Variants in SCOC observed in about 807,000 individuals in gnomAD.
SCOC encodes short coiled-coil protein.
A neutral mutation model predicts 9.9 loss-of-function variants in SCOC; 7 were observed. The ratio of observed to expected loss-of-function variants is 0.71; its 90% CI spans 0.40 to 1.33. The LOEUF is 1.33. Among genes scored for constraint, SCOC ranks in the 40% most tolerant of loss-of-function variants. SCOC has a pLI of 0.01. For missense variants in SCOC, 66 were observed against 89.7 expected, an observed-to-expected ratio of 0.74 and a Z score of 1.07; for synonymous variants, 19 against 28.2, an observed-to-expected ratio of 0.67 and a Z score of 1.03.
chr4:140,352,161 A>G (rs890771972), intron 2 of SCOC, among the ~76,000 whole-genome samples: 2 of 152,206 alleles, frequency 1.3e-5, no homozygotes, highest in Non-Finnish European at 2.9e-5. Context: ...ACACCCTCCA[A>G]TGAATTTGGC....
intron 1 of SCOC, among the ~76,000 whole-genome samples, chr4:140,332,359 C>CTTTTTTTTT (rs70943486): frequency 5.2e-5 from 4 of 76,828 alleles, no homozygotes; most frequent in South Asian, 9.3e-4. Context: ...CTGGAGTCAT[C>CTTTTTTTTT]TTTTTTTTTT....
upstream of SCOC, among the ~76,000 whole-genome samples, chr4:140,339,394 G>A (rs1473432311): frequency 6.6e-6 from 1 of 152,018 alleles, no homozygotes; most frequent in Non-Finnish European, 1.5e-5. Context: ...GCATGGGCAA[G>A]GACTTCATGA....
At chr4:140,358,036 A>G (rs1474271577) in intron 2 of SCOC, among the ~76,000 whole-genome samples, 2 of 151,542 alleles carry the variant, frequency 1.3e-5, no homozygotes, top group African/African-American at 4.9e-5. Flanking sequence ...ACGCCTATGC[A>G]CTCCTAATCC....
chr4:140,308,416 A>G (rs1732052075), intron 1 of SCOC, among the ~76,000 whole-genome samples: 1 of 152,184 alleles, frequency 6.6e-6, no homozygotes, highest in Admixed American at 6.5e-5. Flanking sequence ...CTGTATGCAC[A>G]CTGGAGAAAG....
intron 2 of SCOC, among the ~76,000 whole-genome samples, chr4:140,347,223 T>A (rs540665170): frequency 1.3e-5 from 2 of 152,332 alleles, no homozygotes; most frequent in South Asian, 4.1e-4. Flanking sequence ...TGTTTGGATC[T>A]AAACACTTAA....
intron 1 of SCOC, among the ~76,000 whole-genome samples, chr4:140,289,585 A>G (rs143669311): frequency 2.7e-4 from 41 of 152,282 alleles, no homozygotes; most frequent in African/African-American, 9.9e-4. Flanking sequence ...TGAGATTGGT[A>G]CCCATACCTG....
intron 1 of SCOC, among the ~76,000 whole-genome samples, chr4:140,264,711 G>C (rs72937760): frequency 3.3e-4 from 50 of 152,136 alleles, no homozygotes; most frequent in Non-Finnish European, 6.3e-4. Flanking sequence ...TACACATCCC[G>C]ATAGGTGAAA....
chr4:140,317,849 T>TC (rs1306153762), intron 1 of SCOC, among the ~76,000 whole-genome samples: 3 of 54,094 alleles, frequency 5.5e-5, no homozygotes, highest in African/African-American at 2.2e-4. Context: ...CCCTCCCCCC[T>TC]CCCCCCTCCC....
intron 1 of SCOC, among the ~76,000 whole-genome samples, chr4:140,270,474 C>T (rs1253279450): frequency 2.0e-5 from 3 of 152,122 alleles, no homozygotes; most frequent in Non-Finnish European, 4.4e-5. Context: ...GCTGGGACTG[C>T]AGGCACGTGC....
At chr4:140,264,145 A>T (rs1214442371) in intron 1 of SCOC, among the ~76,000 whole-genome samples, 1 of 152,066 alleles carries the variant, frequency 6.6e-6, no homozygotes, top group East Asian at 1.9e-4. Context: ...GGCTATAGGC[A>T]TGCACCACCA....
chr4:140,384,375 A>C lies in SCOC; in HGVS notation c.*3271A>C, dbSNP rs986707509. ...GGACTGTGTCCAGCTTCTGGAAAAG[A>C]CTCGACCAAATTTTAGACAGGCACC... On this transcript the variant is annotated 3_prime_UTR_variant, in exon 4 of 4. Coordinates refer to ENST00000608372, the MANE Select transcript of SCOC (RefSeq NM_001153484.2). 1 of 152,106 alleles carries C rather than the reference A, an allele frequency of 6.6e-6. No homozygotes were observed. Among genetic ancestry groups the C allele is most frequent in the African/African-American group, 2.4e-5 (1 of 41,410 alleles). 9.4% of individuals were successfully genotyped at this position (152,106 alleles called of 1,614,324 possible).
intron 2 of SCOC, among the ~76,000 whole-genome samples, chr4:140,347,956 G>C (rs921759971): frequency 7.2e-5 from 11 of 152,090 alleles, no homozygotes; most frequent in Admixed American, 2.6e-4. Context: ...TTCCTTAGGA[G>C]ACACAGTCCT....
chr4:140,301,950 GC>G (rs1356669291), intron 1 of SCOC, among the ~76,000 whole-genome samples: 1 of 152,002 alleles, frequency 6.6e-6, no homozygotes, highest in Non-Finnish European at 1.5e-5. Context: ...TCCCATCTTA[GC>G]CTCCCAAAAG....
intron 2 of SCOC, among the ~76,000 whole-genome samples, chr4:140,358,522 T>C (rs1485051329): frequency 6.6e-6 from 1 of 152,230 alleles, no homozygotes; most frequent in Non-Finnish European, 1.5e-5. Context: ...ATAAGGCTAC[T>C]GTATGGCTGA....
At chr4:140,283,617 G>A (rs997813776) in intron 1 of SCOC, 7 of 152,114 alleles carry the variant, frequency 4.6e-5, no homozygotes, top group Non-Finnish European at 7.4e-5. Flanking sequence ...AACAGGTCAG[G>A]ATCTAAAACT....
chr4:140,362,299 C>CTTCTTCTTCTTTTTTTTTT (rs367795160), intron 2 of SCOC, among the ~76,000 whole-genome samples: 5 of 38,348 alleles, frequency 1.3e-4, no homozygotes, highest in African/African-American at 3.7e-4. Flanking sequence ...TCTTCTTCTT[C>CTTCTTCTTCTTTTTTTTTT]TTTTTTTTTT....
Position 140,283,998 on chromosome 4 carries a change from G to A in SCOC, c.-19+26588G>A, listed in dbSNP as rs1731161697. 3 of 152,152 alleles carry A rather than the reference G, an allele frequency of 2.0e-5. 1 individual carries two copies. The South Asian group carries it at 6.2e-4, about 31-fold the overall frequency. 9.4% of individuals were successfully genotyped at this position (152,152 alleles called of 1,614,324 possible). ...CTCGGTGCATCTGTACTTGAAGTGA[G>A]ATTAACATAAGCGTGATCTGCAGGA... On this transcript the variant is annotated intron_variant, in intron 1 of 4. Coordinates refer to the SCOC transcript ENST00000394205.
At chr4:140,272,775 A>G (rs949609072) in intron 1 of SCOC, among the ~76,000 whole-genome samples, 2 of 152,124 alleles carry the variant, frequency 1.3e-5, no homozygotes, top group South Asian at 2.1e-4. Context: ...ATTAAGTGCA[A>G]ATTTGGCTTT....
chr4:140,326,465 AC>A (rs1294868732), intron 1 of SCOC, among the ~76,000 whole-genome samples: 4 of 152,224 alleles, frequency 2.6e-5, no homozygotes, highest in Admixed American at 6.5e-5. Context: ...AAACAAAAAA[AC>A]AAAACAGCAA....
Sources: gnomAD v4.1 joint callset for allele counts (sites outside exome capture counted in the v4.1 genomes callset) on GRCh38, gnomAD v4.1.1 for gene constraint, MANE v1.5 for transcripts, NCBI Gene and HGNC (gene_info 2026-07-23, HGNC 2026-07-21) for gene names.